The following ARPP21 variants were observed in gnomAD, a reference collection of about 807,000 sequenced individuals.
ARPP21 encodes the protein cAMP-regulated phosphoprotein 21.
Under a neutral mutation model 113.2 loss-of-function variants are expected in ARPP21, and 69 were observed. That is an observed-to-expected ratio of 0.61 (90% CI 0.50 to 0.74). The LOEUF (loss-of-function observed/expected upper bound fraction) is 0.74, where lower values mean the gene tolerates loss of function less well. Among genes scored for constraint, ARPP21 ranks in the 30% least tolerant of loss-of-function variants. The probability of loss-of-function intolerance (pLI) is 0.00; values close to 1 mark genes in which losing one functional copy is unlikely to be tolerated. For missense variants in ARPP21, 1,070 were observed against 1,037.4 expected, an observed-to-expected ratio of 1.03 and a Z score of -0.43; for synonymous variants, 368 against 375.5, an observed-to-expected ratio of 0.98 and a Z score of 0.23.
chr3:35,758,712 T>C (rs548462226), intron 19 of ARPP21, among the ~76,000 whole-genome samples: 14 of 152,238 alleles, frequency 9.2e-5, no homozygotes, highest in South Asian at 4.1e-4. Flanking sequence ...AACCATTGTC[T>C]ATAAGTCCCT....
At chr3:35,775,047 T>G (rs1032341175) in intron 19 of ARPP21, 1 of 152,068 alleles carries the variant, frequency 6.6e-6, no homozygotes, top group Non-Finnish European at 1.5e-5. Flanking sequence ...TTAAATAAGA[T>G]TAATACAAAT....
chr3:35,702,804 A>G (rs1384339272), intron 9 of ARPP21, among the ~76,000 whole-genome samples: 1 of 151,832 alleles, frequency 6.6e-6, no homozygotes, highest in East Asian at 1.9e-4. Flanking sequence ...ATTGTGAGAT[A>G]CACTTATTTA....
intron 9 of ARPP21, among the ~76,000 whole-genome samples, chr3:35,704,246 T>C (rs753213664): frequency 2.6e-5 from 4 of 151,834 alleles, no homozygotes; most frequent in Non-Finnish European, 5.9e-5. Flanking sequence ...ATAATTTGTA[T>C]TGGGAAATAT....
intron 19 of ARPP21, among the ~76,000 whole-genome samples, chr3:35,765,515 T>C (rs1408994621): frequency 1.3e-5 from 2 of 152,154 alleles, no homozygotes; most frequent in Non-Finnish European, 2.9e-5. Flanking sequence ...CAGCAAGCTT[T>C]CTTGTCAGTT....
At chr3:35,715,383 G>T in intron 11 of ARPP21, 56 bp from the exon 12 acceptor site, 1 of 1,427,636 alleles carries the variant, frequency 7.0e-7, no homozygotes, top group Non-Finnish European at 9.9e-7. Flanking sequence ...GCAAGTATTT[G>T]GGATCCCTCA....
chr3:35,730,147 A>G (rs2093845456), intron 15 of ARPP21, among the ~76,000 whole-genome samples: 1 of 152,184 alleles, frequency 6.6e-6, no homozygotes, highest in Admixed American at 6.5e-5. Context: ...AAAATTGTTC[A>G]TTTTATGATT....
chr3:35,670,465 T>A (rs1314913492), intron 1 of ARPP21, among the ~76,000 whole-genome samples: 2 of 152,090 alleles, frequency 1.3e-5, no homozygotes, highest in African/African-American at 4.8e-5. Flanking sequence ...CATATCAGGC[T>A]TTTTAGGTAG....
At chr3:35,687,229 G>T (rs1279906263) in intron 5 of ARPP21, among the ~76,000 whole-genome samples, 1 of 151,120 alleles carries the variant, frequency 6.6e-6, no homozygotes, top group East Asian at 2.0e-4. Context: ...GTTGACCTGG[G>T]TCTAAAATTG....
intron 1 of ARPP21, among the ~76,000 whole-genome samples, chr3:35,672,480 T>A (rs1481145912): frequency 6.6e-6 from 1 of 152,122 alleles, no homozygotes; most frequent in African/African-American, 2.4e-5. Context: ...ATTAGATATC[T>A]TGGCCTTTAG....
chr3:35,685,654 G>A, intron 5 of ARPP21: 3 of 984,938 alleles, frequency 3.0e-6, no homozygotes, highest in Non-Finnish European at 3.6e-6. Flanking sequence ...CTTGCTACCT[G>A]TATTACTTGA....
intron 11 of ARPP21, among the ~76,000 whole-genome samples, chr3:35,710,059 C>T (rs1483499313): frequency 6.6e-6 from 1 of 152,184 alleles, no homozygotes; most frequent in Non-Finnish European, 1.5e-5. Context: ...TATGAAAGTG[C>T]AGGGGAGATT....
intron 1 of ARPP21, among the ~76,000 whole-genome samples, chr3:35,668,916 G>A (rs544771851): frequency 4.6e-5 from 7 of 152,112 alleles, no homozygotes; most frequent in East Asian, 1.9e-4. Context: ...TATCAAATAC[G>A]GGGAAATGCT....
At chr3:35,784,661 G>C (rs2151801147) in intron 19 of ARPP21, among the ~76,000 whole-genome samples, 1 of 152,062 alleles carries the variant, frequency 6.6e-6, no homozygotes, top group South Asian at 2.1e-4. Flanking sequence ...CCCAGTAGAT[G>C]GTACCACCAG....
chr3:35,703,556 G>A (rs1258180866), intron 9 of ARPP21, among the ~76,000 whole-genome samples: 1 of 151,592 alleles, frequency 6.6e-6, no homozygotes, highest in Non-Finnish European at 1.5e-5. Flanking sequence ...TTTTCACCTA[G>A]AATAAGCATT....
rs570526962 is a variant in ARPP21 at position 35,728,277 on chromosome 3, G to A, written c.1226-1026G>A. Among the ~76,000 whole-genome samples the A allele has an allele frequency of 1.9e-3, 268 of 140,088 alleles. 2 individuals are homozygous for A. The highest frequency in any genetic ancestry group is 3.4e-3 in the Non-Finnish European group (222 of 66,182). 91.9% of individuals were successfully genotyped at this position (140,088 alleles called of 152,430 possible). A position where few individuals can be genotyped will look rare whatever the true frequency, so the allele number is the denominator to read the frequency against. ...TCTGTCGCCCAGGCTGGAGTGCAGTGGTGCAATCTCGGCTCACTGCAACCT... is the reference window on the plus strand; with the variant it reads ...TCTGTCGCCCAGGCTGGAGTGCAGTAGTGCAATCTCGGCTCACTGCAACCT... On this transcript the variant is annotated intron_variant, in intron 14 of 20. Transcript: ENST00000684406.
At chr3:35,689,486 A>G (rs2081596984) in intron 7 of ARPP21, 101 bp downstream of exon 7, 1 of 677,232 alleles carries the variant, frequency 1.5e-6, no homozygotes, top group East Asian at 2.8e-5. Context: ...TGTGAAATGC[A>G]GATACCTTCC....
chr3:35,743,092 G>C (rs1007208090), intron 18 of ARPP21, among the ~76,000 whole-genome samples: 2 of 152,196 alleles, frequency 1.3e-5, no homozygotes, highest in South Asian at 2.1e-4. Flanking sequence ...TTTTTGAATA[G>C]TGGTGTGTAC....
At chr3:35,679,515 A>T (rs2078338824) in intron 1 of ARPP21, 1 of 151,712 alleles carries the variant, frequency 6.6e-6, no homozygotes, top group Non-Finnish European at 1.5e-5. Flanking sequence ...GATTTCACTA[A>T]AAAAGGTTAA....
intron 18 of ARPP21, among the ~76,000 whole-genome samples, chr3:35,740,321 T>C (rs2094580437): frequency 6.6e-6 from 1 of 152,202 alleles, no homozygotes; most frequent in Non-Finnish European, 1.5e-5. Context: ...CATTTTCTGG[T>C]CCATTTTCAA....
Sources: allele counts gnomAD v4.1 joint callset (sites outside exome capture counted in the v4.1 genomes callset), GRCh38; gene constraint gnomAD v4.1.1; transcripts MANE v1.5; gene names NCBI Gene and HGNC (gene_info 2026-07-23, HGNC 2026-07-21).